The following IGSF22 variants were observed in gnomAD, a reference collection of about 807,000 sequenced individuals.
The protein encoded by IGSF22 is immunoglobulin superfamily member 22.
IGSF22 carries 119 observed loss-of-function variants against 127.0 expected under a neutral mutation model. The observed-to-expected ratio is 0.94, with a 90% CI of 0.81 to 1.09. The LOEUF is 1.09. IGSF22 is among the 50% of genes least tolerant of loss of function. The pLI is 0.00. For missense variants in IGSF22, 1,518 were observed against 1,716.6 expected (o/e 0.88, Z 2.04); for synonymous variants, 568 against 664.7 (o/e 0.85, Z 2.24).
chr11:18,707,906 A>G lies in IGSF22; in HGVS notation c.3178T>C (p.Phe1060Leu), dbSNP rs757182452. The G allele has an allele frequency of 6.2e-7, 1 of 1,614,198 alleles. No homozygotes were observed. The highest frequency in any genetic ancestry group is 1.7e-5 in the Admixed American group (1 of 60,030). ...TITKSKNHSQ[F>L]LINSTKRSDS... ...GAGCGCTTGGTGCTATTAATGAGGAACTGGGAGTGGTTTTTGCTCTTGGTA... is the reference window on the plus strand; with the variant it reads ...GAGCGCTTGGTGCTATTAATGAGGAGCTGGGAGTGGTTTTTGCTCTTGGTA... Residue 1060 changes from phenylalanine (F) to leucine (L), a missense_variant, in exon 20 of 23, where the codon TTC (phenylalanine) becomes CTC (leucine). Phe to Leu is a conservative substitution (Grantham distance 22). This residue lies in a region of IGSF22 where 1,456 missense variants were observed against 1,644.9 expected (regional missense o/e 0.89). Coordinates refer to ENST00000513874, the MANE Select transcript of IGSF22 (RefSeq NM_173588.4).
At position 18,721,806 on chromosome 11, in the gene IGSF22, TG is replaced by T. The variant is rs1848579358; in HGVS notation, c.241+103del. 4 of 1,585,944 alleles carry T rather than the reference TG, an allele frequency of 2.5e-6. No individual in the cohort carries two copies. In the African/African-American group the frequency reaches 5.4e-5, roughly 21 times the overall value. On this transcript the variant is annotated intron_variant, in intron 3 of 22. Coordinates refer to ENST00000513874, the MANE Select transcript of IGSF22 (RefSeq NM_173588.4). ...AGGGGAGGAACCCTCGGCCAGGCTC[TG>T]CCAGGGTTTAGCATTGGAGGTCGTT...
intron 7 of IGSF22, among the ~76,000 whole-genome samples, chr11:18,718,941 T>G (rs1436590454): frequency 6.6e-6 from 1 of 152,218 alleles, no homozygotes; most frequent in African/African-American, 2.4e-5. Context: ...CATGGAATAG[T>G]CACTATGTAC....
Position 18,707,862 on chromosome 11 carries a change from TCGGTACACCCC to T in IGSF22, c.3211_3221del (p.Gly1071AsnfsTer6), listed in dbSNP as rs757959429. The T allele has an allele frequency of 1.2e-6, 2 of 1,613,952 alleles. No individual in the cohort carries two copies. The highest frequency in any genetic ancestry group is 2.2e-5 in the South Asian group (2 of 91,008). ...CTCCAAACTCATTCTGAAGCAAGATTCGGTACACCCCTGAGTCAGAGCGCTTGGTGCTATTA... is the reference window on the plus strand; with the variant it reads ...CTCCAAACTCATTCTGAAGCAAGATTTGAGTCAGAGCGCTTGGTGCTATTA... On this transcript the variant is annotated frameshift_variant, in exon 20 of 23. Transcript: ENST00000513874. LOFTEE classifies it high-confidence loss of function.
intron 14 of IGSF22, among the ~76,000 whole-genome samples, chr11:18,713,624 A>G (rs1289797696): frequency 6.6e-6 from 1 of 152,268 alleles, no homozygotes; most frequent in Non-Finnish European, 1.5e-5. Flanking sequence ...ACTAGAAAAA[A>G]AATCACCCTG....
At chr11:18,720,637 T>C (rs910835060) in intron 4 of IGSF22, among the ~76,000 whole-genome samples, 3 of 152,222 alleles carry the variant, frequency 2.0e-5, no homozygotes, top group African/African-American at 7.2e-5. Context: ...TACTCCTCTG[T>C]ACCAGACACT....
intron 22 of IGSF22, 93 bp from the exon 23 acceptor site, chr11:18,704,631 C>CTGGA: frequency 1.2e-6 from 1 of 801,072 alleles, no homozygotes; most frequent in Non-Finnish European, 2.1e-6. Context: ...AAACCAGGAG[C>CTGGA]TGGACCCTGG....
chr11:18,705,334 T>G (rs1038444036), intron 22 of IGSF22: 4 of 165,176 alleles, frequency 2.4e-5, no homozygotes, highest in African/African-American at 7.2e-5. Context: ...CACACATGAG[T>G]AGAAACATGG....
chr11:18,706,412 T>G, intron 21 of IGSF22: 1 of 507,228 alleles, frequency 2.0e-6, no homozygotes, highest in Non-Finnish European at 3.5e-6. Flanking sequence ...CGAGATGTCA[T>G]TCCAGCGCCA....
chr11:18,717,065 A>G, intron 9 of IGSF22, 65 bp from the exon 10 acceptor site: 1 of 1,554,894 alleles, frequency 6.4e-7, no homozygotes, highest in Non-Finnish European at 8.8e-7. Context: ...AGTGGTGAAG[A>G]GGGCACTCAC....
intron 3 of IGSF22, 36 bp downstream of exon 3, chr11:18,721,874 G>A: frequency 6.2e-7 from 1 of 1,609,632 alleles, no homozygotes; most frequent in Non-Finnish European, 8.5e-7. Flanking sequence ...AGAAAGCGAA[G>A]CACTGGAGCC....
chr11:18,719,681 A>C (rs374116671), intron 7 of IGSF22, 35 bp downstream of exon 7: 7 of 1,602,710 alleles, frequency 4.4e-6, no homozygotes, highest in Non-Finnish European at 5.1e-6. Flanking sequence ...CCCTGCCCCT[A>C]GCCTGCAGGC....
In IGSF22 at chr11:18,704,355, TA is replaced by T; in HGVS notation, c.*112del. On this transcript the variant is annotated 3_prime_UTR_variant, in exon 23 of 23. Transcript: ENST00000513874. ...TTGCCCCATCCCTTCACTGAATGTT[TA>T]CATTAACAAACACCAGAGAGCAAAC... The T allele has an allele frequency of 1.4e-6, 1 of 716,264 alleles. No individual in the cohort carries two copies. Among genetic ancestry groups the T allele is most frequent in the Non-Finnish European group, 2.5e-6 (1 of 399,272 alleles). 44.4% of individuals were successfully genotyped at this position (716,264 alleles called of 1,614,324 possible). A position where few individuals can be genotyped will look rare whatever the true frequency, so the allele number is the denominator to read the frequency against.
chr11:18,706,010 G>A lies in IGSF22; in HGVS notation c.3717C>T (p.Asn1239=). The change falls in exon 22 of 23, where the codon AAC becomes AAT. Residue 1239 remains asparagine, a synonymous_variant. Transcript: ENST00000513874. Reference sequence around the variant, plus strand: ...TGTAGAGGGTCACTGTGGGCCGCGGGTTCCCAAGGAAGGCGCAGGTCATGG... The same window carrying A: ...TGTAGAGGGTCACTGTGGGCCGCGGATTCCCAAGGAAGGCGCAGGTCATGG... ...DCTMTCAFLG[N]PRPTVTLYKG... The A allele has an allele frequency of 4.5e-6, 7 of 1,551,714 alleles. No individual in the cohort carries two copies. The highest frequency in any genetic ancestry group is 1.2e-5 in the South Asian group (1 of 84,070).
rs1266926021 is a variant in IGSF22, at chr11:18,714,542, A to T, written c.1614T>A (p.Asn538Lys). The change falls in exon 12 of 23, where the codon AAT becomes AAA. Residue 538 changes from asparagine to lysine, a missense_variant. Transcript: ENST00000513874. ...GSPAELCVVLNDEKVEGVWLK... is the reference protein window; with the variant it reads ...GSPAELCVVLKDEKVEGVWLK... Reference sequence around the variant, plus strand: ...GCCACACACCCTCCACCTTCTCGTCATTCAGCACTACACACAACTCAGCTG... The same window carrying T: ...GCCACACACCCTCCACCTTCTCGTCTTTCAGCACTACACACAACTCAGCTG... 17 of 1,614,154 alleles carry T rather than the reference A, an allele frequency of 1.1e-5. No individual in the cohort carries two copies. The highest frequency in any genetic ancestry group is 1.4e-5 in the Non-Finnish European group (16 of 1,180,034).
intron 21 of IGSF22, chr11:18,706,552 C>A (rs1490489897): frequency 2.7e-6 from 1 of 363,930 alleles, no homozygotes; most frequent in South Asian, 5.0e-5. Context: ...CGGCCCCCAC[C>A]CTTAACCCCT....
At chr11:18,715,306 A>C in intron 11 of IGSF22, 126 bp downstream of exon 11, 1 of 883,358 alleles carries the variant, frequency 1.1e-6, no homozygotes, top group South Asian at 1.5e-5. Flanking sequence ...CAGAGTGGGG[A>C]GACACAAGTT....
chr11:18,710,654 C>A lies in IGSF22; in HGVS notation c.2572+1G>T, dbSNP rs753244388. On this transcript the variant is annotated splice_donor_variant, in intron 16 of 22. Coordinates refer to ENST00000513874, the MANE Select transcript of IGSF22 (RefSeq NM_173588.4). LOFTEE classifies it high-confidence loss of function. Reference sequence around the variant, plus strand: ...CTGGGCCTCTGTTCCAAGGACCTCACCCTGGATGGGGTCCTTGTTGACTGG... The same window carrying A: ...CTGGGCCTCTGTTCCAAGGACCTCAACCTGGATGGGGTCCTTGTTGACTGG... 1 of 1,610,198 alleles carries A rather than the reference C, an allele frequency of 6.2e-7. No homozygotes were observed. The highest frequency in any genetic ancestry group is 8.5e-7 in the Non-Finnish European group (1 of 1,176,694).
At chr11:18,720,126 G>T in intron 5 of IGSF22, 23 bp from the exon 6 acceptor site, 1 of 1,614,164 alleles carries the variant, frequency 6.2e-7, no homozygotes, top group Middle Eastern at 1.6e-4. Flanking sequence ...AGAGGGACAG[G>T]TTCAGACAGG....
chr11:18,722,134 T>G, intron 2 of IGSF22, 93 bp from the exon 3 acceptor site: 4 of 1,490,840 alleles, frequency 2.7e-6, no homozygotes, highest in Non-Finnish European at 3.7e-6. Flanking sequence ...CGGTGGAGCA[T>G]GGGAACAAAG....
Sources: gnomAD v4.1 joint callset for allele counts (sites outside exome capture counted in the v4.1 genomes callset) on GRCh38, gnomAD v4.1.1 for gene constraint, gnomAD v4.1.1 regional missense constraint, MANE v1.5 for transcripts, NCBI Gene and HGNC (gene_info 2026-07-23, HGNC 2026-07-21) for gene names.